Variants in USP36 observed in about 807,000 individuals in gnomAD.
USP36 encodes ubiquitin carboxyl-terminal hydrolase 36.
A neutral mutation model predicts 111.5 loss-of-function variants in USP36; 59 were observed. The ratio of observed to expected loss-of-function variants is 0.53; its 90% CI spans 0.43 to 0.66. USP36 has a LOEUF of 0.66. USP36 is among the 30% of genes least tolerant of loss of function. The pLI is 0.00. For synonymous variants in USP36, 628 were observed against 581.0 expected (o/e 1.08, Z -1.16); for missense variants, 1,488 against 1,468.0 (o/e 1.01, Z -0.22).
chr17:78,826,951 T>C (rs1304878882), intron 6 of USP36: 5 of 607,758 alleles, frequency 8.2e-6, no homozygotes, highest in East Asian at 5.5e-5. Flanking sequence ...TGCTAACATA[T>C]TTCCCCCTGA....
At chr17:78,814,013 T>G (rs2094127008) in intron 11 of USP36, 140 bp from the exon 12 acceptor site, 1 of 742,286 alleles carries the variant, frequency 1.3e-6, no homozygotes, top group Admixed American at 2.6e-5. Context: ...ACAACTTCTA[T>G]TAAAACGTGT....
At chr17:78,814,770 G>A (rs1336413178) in intron 10 of USP36, among the ~76,000 whole-genome samples, 3 of 151,830 alleles carry the variant, frequency 2.0e-5, no homozygotes, top group Non-Finnish European at 2.9e-5. Context: ...CCAATATAGC[G>A]AAACCCCACT....
upstream of USP36, chr17:78,841,319 GTCCCGGGC>G (rs1020196734): frequency 5.2e-5 from 8 of 152,410 alleles, no homozygotes; most frequent in Non-Finnish European, 1.0e-4. Flanking sequence ...CGGCCTTAAC[GTCCCGGGC>G]TCTGGGGCCA....
chr17:78,794,441 C>T (rs932593688), downstream of USP36, among the ~76,000 whole-genome samples: 2 of 152,222 alleles, frequency 1.3e-5, no homozygotes, highest in African/African-American at 2.4e-5. Flanking sequence ...CCTCACCCCA[C>T]GGTGCTTCAG....
chr17:78,820,285 G>A (rs1415178294), intron 8 of USP36, among the ~76,000 whole-genome samples: 1 of 152,116 alleles, frequency 6.6e-6, no homozygotes, highest in Non-Finnish European at 1.5e-5. Flanking sequence ...ACAAGCCTGG[G>A]CAACATAGCA....
intron 4 of USP36, 130 bp downstream of exon 4, chr17:78,835,150 A>C: frequency 1.1e-6 from 1 of 948,720 alleles, no homozygotes; most frequent in Non-Finnish European, 1.6e-6. Context: ...TTTAGGTTTC[A>C]TCAGTTACTA....
intron 13 of USP36, among the ~76,000 whole-genome samples, chr17:78,812,407 T>A (rs2094082620): frequency 6.6e-6 from 1 of 151,886 alleles, no homozygotes; most frequent in African/African-American, 2.4e-5. Flanking sequence ...GAAATAACAT[T>A]GGCCGGGCGC....
chr17:78,815,905 C>T (rs1159617483), intron 10 of USP36, among the ~76,000 whole-genome samples: 1 of 152,014 alleles, frequency 6.6e-6, no homozygotes, highest in Non-Finnish European at 1.5e-5. Context: ...TACATGCACG[C>T]ACACATGCAT....
At chr17:78,799,568 C>T (rs1362670835) in intron 18 of USP36, 99 bp downstream of exon 18, 3 of 1,088,806 alleles carry the variant, frequency 2.8e-6, no homozygotes, top group Non-Finnish European at 2.7e-6. Flanking sequence ...CGATGCCCGC[C>T]CGCCACACTC....
At chr17:78,838,297 G>C (rs572846808) in intron 2 of USP36, among the ~76,000 whole-genome samples, 1 of 151,094 alleles carries the variant, frequency 6.6e-6, no homozygotes, top group African/African-American at 2.4e-5. Context: ...GCTTGAACAC[G>C]GGAGGCAGAG....
At chr17:78,799,605 C>G in intron 18 of USP36, 62 bp downstream of exon 18, 1 of 1,495,230 alleles carries the variant, frequency 6.7e-7, no homozygotes, top group Non-Finnish European at 9.3e-7. Flanking sequence ...CATTCCACAC[C>G]CTTCCCTCCT....
rs904330900 is a variant in USP36 at position 78,821,996 on chromosome 17, C to T, written c.698G>A (p.Arg233His). Residue 233 changes from arginine to histidine, a missense_variant, in exon 7 of 21, where the codon CGT (arginine) becomes CAT (histidine). Coordinates refer to ENST00000449938, the MANE Select transcript of USP36 (RefSeq NM_001385174.1). ...ACLNGCAKLD[R>H]QTQATTLVHQ... ...GACCAAGGTAGTAGCCTGCGTTTGACGATCCAACCTGAAAAGGAGACCCCA... is the reference window on the plus strand; with the variant it reads ...GACCAAGGTAGTAGCCTGCGTTTGATGATCCAACCTGAAAAGGAGACCCCA... 9 of 1,614,116 alleles carry T rather than the reference C, an allele frequency of 5.6e-6. No individual in the cohort carries two copies. The highest frequency in any genetic ancestry group is 6.8e-6 in the Non-Finnish European group (8 of 1,179,986).
chr17:78,794,745 C>T (rs1005099298), downstream of USP36, among the ~76,000 whole-genome samples: 4 of 152,064 alleles, frequency 2.6e-5, no homozygotes, highest in South Asian at 2.1e-4. Flanking sequence ...CAGTGGCTCA[C>T]GCCTGGAATC....
intron 16 of USP36, 71 bp from the exon 17 acceptor site, chr17:78,802,606 G>T: frequency 2.8e-6 from 4 of 1,442,478 alleles, no homozygotes; most frequent in Non-Finnish European, 3.7e-6. Context: ...ACAGACACCC[G>T]CCTGCAACAT....
At chr17:78,836,980 T>C (rs2068749075) in intron 2 of USP36, among the ~76,000 whole-genome samples, 1 of 152,188 alleles carries the variant, frequency 6.6e-6, no homozygotes, top group African/African-American at 2.4e-5. Context: ...AGAGGTGCTA[T>C]AAGTGTAAAA....
At chr17:78,833,066 T>A (rs1049227217) in intron 4 of USP36, among the ~76,000 whole-genome samples, 1 of 151,912 alleles carries the variant, frequency 6.6e-6, no homozygotes, top group Admixed American at 6.6e-5. Flanking sequence ...GAGACTCTCT[T>A]GAACACAGGA....
At chr17:78,834,293 TATGGGAAGATTTTTA>T (rs1567971722) in intron 4 of USP36, among the ~76,000 whole-genome samples, 1 of 151,968 alleles carries the variant, frequency 6.6e-6, no homozygotes, top group African/African-American at 2.4e-5. Flanking sequence ...TGGGGTTTTT[TATGGGAAGATTTTTA>T]ACCAATGCTT....
At chr17:78,825,927 T>C (rs899980659) in intron 6 of USP36, among the ~76,000 whole-genome samples, 9 of 152,148 alleles carry the variant, frequency 5.9e-5, no homozygotes, top group East Asian at 3.8e-4. Context: ...TATCACAGCA[T>C]TGGCCACACC....
At chr17:78,821,451 AGAGTCTTGCTCT>A (rs1276150069) in intron 7 of USP36, 1 of 91,402 alleles carries the variant, frequency 1.1e-5, no homozygotes, top group Non-Finnish European at 1.9e-5. Flanking sequence ...TTTTTGAGAT[AGAGTCTTGCTCT>A]GTCACTCAGG....
Sources: allele counts gnomAD v4.1 joint callset (sites outside exome capture counted in the v4.1 genomes callset), GRCh38; gene constraint gnomAD v4.1.1; transcripts MANE v1.5; gene names NCBI Gene and HGNC (gene_info 2026-07-23, HGNC 2026-07-21).